C12orf42: variants seen among roughly 807,000 people sequenced by gnomAD.
C12orf42 encodes the protein uncharacterized protein C12orf42.
In C12orf42, 25 loss-of-function variants were observed where a neutral mutation model predicts 21.6. The observed-to-expected ratio is 1.16, with a 90% confidence interval of 0.84 to 1.62. The LOEUF is 1.62. C12orf42 is among the 40% of genes most tolerant of loss of function. The probability of loss-of-function intolerance (pLI) is 0.00; values close to 1 mark genes in which losing one functional copy is unlikely to be tolerated. For missense variants in C12orf42, 483 were observed against 459.3 expected (o/e 1.05, Z -0.47); for synonymous variants, 174 against 175.0 (o/e 0.99, Z 0.05).
At chr12:103,485,869 G>T (rs988597383) in intron 1 of C12orf42, among the ~76,000 whole-genome samples, 1 of 152,098 alleles carries the variant, frequency 6.6e-6, no homozygotes, top group Non-Finnish European at 1.5e-5. Context: ...AAGGAGACTT[G>T]GGGCTGAGAT....
chr12:103,395,813 C>T (rs997727322), intron 3 of C12orf42, among the ~76,000 whole-genome samples: 1 of 151,192 alleles, frequency 6.6e-6, no homozygotes, highest in Non-Finnish European at 1.5e-5. Flanking sequence ...ATGCCATATA[C>T]ATTATAACAT....
At chr12:103,160,142 AAGTC>A in the C12orf42 span, among the ~76,000 whole-genome samples, 2 of 152,354 alleles carry the variant, frequency 1.3e-5, no homozygotes, top group South Asian at 4.1e-4. Context: ...GTGAGAAAAA[AAGTC>A]AGATAGAATT....
At chr12:103,318,205 C>T (rs912406936) in intron 4 of C12orf42, among the ~76,000 whole-genome samples, 1 of 152,016 alleles carries the variant, frequency 6.6e-6, no homozygotes, top group Non-Finnish European at 1.5e-5. Flanking sequence ...AGGAAGACTA[C>T]TTGAGTATGG....
intron 2 of C12orf42, among the ~76,000 whole-genome samples, chr12:103,442,477 A>G (rs901905683): frequency 4.6e-5 from 7 of 152,292 alleles, no homozygotes; most frequent in Admixed American, 3.9e-4. Context: ...GCAAAGCCCT[A>G]TCATTGACAT....
the C12orf42 span, among the ~76,000 whole-genome samples, chr12:103,546,791 A>AT: frequency 1.3e-5 from 2 of 152,132 alleles, no homozygotes; most frequent in South Asian, 2.1e-4. Flanking sequence ...TGAAGGAAAG[A>AT]TTTTCTGACC....
chr12:103,114,767 C>A, the C12orf42 span, among the ~76,000 whole-genome samples: 8 of 152,172 alleles, frequency 5.3e-5, no homozygotes, highest in Admixed American at 5.2e-4. Flanking sequence ...AAGGCCTGGA[C>A]CTCATTTTCA....
chr12:103,092,737 C>T, the C12orf42 span, among the ~76,000 whole-genome samples: 22 of 152,204 alleles, frequency 1.4e-4, no homozygotes, highest in Non-Finnish European at 2.4e-4. Context: ...TTGTTAAGGA[C>T]TGTATCATGA....
At chr12:103,268,265 T>C (rs918880033), downstream of C12orf42, 3 of 152,088 alleles carry the variant, frequency 2.0e-5, no homozygotes, top group Non-Finnish European at 4.4e-5. Context: ...CTTCCATTAA[T>C]AGATCATGAG....
the C12orf42 span, among the ~76,000 whole-genome samples, chr12:103,085,938 G>A: frequency 6.6e-6 from 1 of 152,162 alleles, no homozygotes; most frequent in East Asian, 1.9e-4. Flanking sequence ...TGCCAATTTC[G>A]CCAAGCTCCA....
the C12orf42 span, among the ~76,000 whole-genome samples, chr12:103,521,251 T>C: frequency 6.6e-6 from 1 of 152,032 alleles, no homozygotes; most frequent in Non-Finnish European, 1.5e-5. Context: ...ACTTAACCAA[T>C]CATTGCATCA....
the C12orf42 span, among the ~76,000 whole-genome samples, chr12:103,189,971 G>GTA: frequency 0.025 from 3,745 of 150,692 alleles, 47 homozygotes; most frequent in East Asian, 0.029. Context: ...ATATACATGT[G>GTA]TATATATATA....
downstream of C12orf42, among the ~76,000 whole-genome samples, chr12:103,297,077 T>G (rs2037341499): frequency 6.6e-6 from 1 of 152,252 alleles, no homozygotes; most frequent in Admixed American, 6.5e-5. Flanking sequence ...TTTCTACATA[T>G]GGCTAGCCAG....
chr12:103,217,609 C>T, the C12orf42 span, among the ~76,000 whole-genome samples: 3 of 151,944 alleles, frequency 2.0e-5, no homozygotes, highest in African/African-American at 2.4e-5. Flanking sequence ...TCCAGAACAC[C>T]GTACAGATCA....
At chr12:103,062,092 C>G in the C12orf42 span, among the ~76,000 whole-genome samples, 1 of 151,856 alleles carries the variant, frequency 6.6e-6, no homozygotes, top group East Asian at 1.9e-4. Context: ...ACTTCCAAGT[C>G]AATGCTTATT....
chr12:103,218,428 C>T, the C12orf42 span, among the ~76,000 whole-genome samples: 1 of 152,248 alleles, frequency 6.6e-6, no homozygotes, highest in East Asian at 1.9e-4. Flanking sequence ...CAGTGATGTC[C>T]TCTGAATATT....
intron 10 of C12orf42, among the ~76,000 whole-genome samples, chr12:103,262,818 A>G (rs578003792): frequency 5.3e-5 from 8 of 152,284 alleles, no homozygotes; most frequent in Admixed American, 3.9e-4. Flanking sequence ...TACCCAAAGG[A>G]TTATAAATCA....
At chr12:103,083,825 T>A in the C12orf42 span, among the ~76,000 whole-genome samples, 1 of 152,216 alleles carries the variant, frequency 6.6e-6, no homozygotes, top group East Asian at 1.9e-4. Flanking sequence ...TCTTAATGAG[T>A]CTTGTGATTT....
At chr12:103,470,227 G>C (rs1452948028) in intron 2 of C12orf42, among the ~76,000 whole-genome samples, 1 of 152,178 alleles carries the variant, frequency 6.6e-6, no homozygotes, top group East Asian at 1.9e-4. Context: ...ATTTTTCAAT[G>C]CTTTCACACT....
the C12orf42 span, among the ~76,000 whole-genome samples, chr12:103,047,850 C>T: frequency 6.6e-6 from 1 of 152,148 alleles, no homozygotes; most frequent in African/African-American, 2.4e-5. Flanking sequence ...GTTCACATGG[C>T]AGCAGGGCAG....
Sources: allele counts gnomAD v4.1 joint callset (sites outside exome capture counted in the v4.1 genomes callset), GRCh38; gene constraint gnomAD v4.1.1; transcripts MANE v1.5; gene names NCBI Gene and HGNC (gene_info 2026-07-23, HGNC 2026-07-21).